Variants in TARS3 observed in about 807,000 individuals in gnomAD.
TARS3 encodes the protein threonine--tRNA ligase 2, cytoplasmic.
Under a neutral mutation model 103.5 loss-of-function variants are expected in TARS3, and 94 were observed. That is an observed-to-expected ratio of 0.91 (90% CI 0.77 to 1.08). TARS3 has a LOEUF of 1.08. TARS3 is among the 50% of genes least tolerant of loss of function. The pLI, the probability that TARS3 is intolerant of heterozygous loss-of-function variation, is 0.00. For synonymous variants in TARS3, 416 were observed against 355.4 expected (o/e 1.17, Z -1.92); for missense variants, 952 against 995.2 (o/e 0.96, Z 0.58).
intron 2 of TARS3, among the ~76,000 whole-genome samples, chr15:101,721,557 C>T (rs1032862508): frequency 3.9e-5 from 6 of 152,092 alleles, no homozygotes; most frequent in South Asian, 2.1e-4. Context: ...TGCAGGGGCA[C>T]GAAATCAGCT....
At chr15:101,682,564 G>T (rs1261712766) in intron 12 of TARS3, among the ~76,000 whole-genome samples, 1 of 151,856 alleles carries the variant, frequency 6.6e-6, no homozygotes, top group East Asian at 1.9e-4. Flanking sequence ...TAAATTTTTT[G>T]ATTTTATGTT....
intron 10 of TARS3, among the ~76,000 whole-genome samples, chr15:101,696,384 A>G (rs563186923): frequency 5.9e-5 from 9 of 152,222 alleles, no homozygotes; most frequent in African/African-American, 2.2e-4. Flanking sequence ...TATGATGGGA[A>G]GGGGACATTC....
rs868362410 is a variant in TARS3, at chr15:101,690,257, G to A, written c.1321-4195C>T. 4.4e-4 allele frequency among the ~76,000 whole-genome samples: 67 copies of A among 152,272 alleles called. 2 individuals are homozygous for A. The highest frequency in any genetic ancestry group is 1.6e-3 in the African/African-American group (66 of 41,552). Reference sequence around the variant, plus strand: ...GCCCTGCACTGTGTTCCCCAAAGCTGACTTCTGTGGGCTCCGCACAAGGCT... The same window carrying A: ...GCCCTGCACTGTGTTCCCCAAAGCTAACTTCTGTGGGCTCCGCACAAGGCT... On this transcript the variant is annotated intron_variant, in intron 10 of 18. Transcript: ENST00000335968.
At chr15:101,673,475 T>C (rs1897896374) in intron 13 of TARS3, among the ~76,000 whole-genome samples, 1 of 152,198 alleles carries the variant, frequency 6.6e-6, no homozygotes, top group South Asian at 2.1e-4. Context: ...GAAGTGGGTG[T>C]CATTGCTACA....
chr15:101,660,192 G>C (rs1897324509), intron 16 of TARS3, among the ~76,000 whole-genome samples: 1 of 152,218 alleles, frequency 6.6e-6, no homozygotes, highest in African/African-American at 2.4e-5. Flanking sequence ...CCCGGCAATA[G>C]TAGCAGTGGG....
chr15:101,719,253 GTGTACTGTA>G (rs1259719534), intron 3 of TARS3, among the ~76,000 whole-genome samples: 1 of 152,172 alleles, frequency 6.6e-6, no homozygotes, highest in Admixed American at 6.5e-5. Flanking sequence ...ATTGTCTTCT[GTGTACTGTA>G]TGCACGTGTG....
intron 15 of TARS3, among the ~76,000 whole-genome samples, chr15:101,663,749 T>C (rs1230550928): frequency 6.6e-6 from 1 of 152,220 alleles, no homozygotes; most frequent in African/African-American, 2.4e-5. Flanking sequence ...CATCTACTAA[T>C]AATAATTTTA....
At chr15:101,679,131 T>C (rs368532119) in intron 12 of TARS3, among the ~76,000 whole-genome samples, 2 of 152,214 alleles carry the variant, frequency 1.3e-5, no homozygotes, top group East Asian at 1.9e-4. Flanking sequence ...GTAGGTTTCT[T>C]GGAGTTTATC....
At chr15:101,690,447 C>T (rs955328574) in intron 10 of TARS3, among the ~76,000 whole-genome samples, 24 of 152,138 alleles carry the variant, frequency 1.6e-4, no homozygotes, top group African/African-American at 5.3e-4. Context: ...TGAGATAATG[C>T]TAATGGCCTG....
rs1022914053 is a variant in TARS3 at position 101,724,236 on chromosome 15, G to T, written c.152C>A (p.Thr51Lys). 3.2e-6 allele frequency: 5 copies of T among 1,551,622 alleles called. No homozygotes were observed. The highest frequency in any genetic ancestry group is 1.7e-6 in the Non-Finnish European group (2 of 1,156,040). ...YSCQAEGPCLTREVAQLRAEN... is the reference protein window; with the variant it reads ...YSCQAEGPCLKREVAQLRAEN... ...GGCCCGGAGCTGCGCCACCTCCCGC[G>T]TGAGGCACGGCCCCTCCGCCTGGCA... The change falls in exon 1 of 19, where the codon ACG becomes AAG. Residue 51 changes from threonine to lysine, a missense_variant. Physicochemically the swap from Thr to Lys is moderately conservative, Grantham distance 78. Transcript: ENST00000335968.
At chr15:101,681,178 C>T (rs1898241225) in intron 12 of TARS3, among the ~76,000 whole-genome samples, 2 of 152,140 alleles carry the variant, frequency 1.3e-5, no homozygotes, top group African/African-American at 4.8e-5. Context: ...ACTGTAGTTT[C>T]TCATAATTCT....
At chr15:101,683,860 T>C (rs1410778646) in intron 12 of TARS3, among the ~76,000 whole-genome samples, 1 of 152,220 alleles carries the variant, frequency 6.6e-6, no homozygotes, top group Non-Finnish European at 1.5e-5. Context: ...CTTAATGGAA[T>C]TTAGGTTAAT....
At chr15:101,661,645 A>G in intron 16 of TARS3, 67 bp downstream of exon 16, 1 of 999,618 alleles carries the variant, frequency 1.0e-6, no homozygotes, top group South Asian at 1.8e-5. Flanking sequence ...AAAAAGGAAA[A>G]ATGAGTAAAT....
At chr15:101,694,022 A>G (rs1898855285) in intron 10 of TARS3, among the ~76,000 whole-genome samples, 1 of 152,180 alleles carries the variant, frequency 6.6e-6, no homozygotes, top group Non-Finnish European at 1.5e-5. Flanking sequence ...GACAATTAAA[A>G]AAGTTAATTT....
In TARS3 at chr15:101,654,460, A is replaced by G. The variant is rs1057505200; in HGVS notation, c.*122T>C. ...CTACACGTTCATCGTCTCCTTTCTC[A>G]GCTGAGGCCATGAGTGGACCCATCA... On this transcript the variant is annotated 3_prime_UTR_variant, in exon 19 of 19. Coordinates refer to ENST00000335968, the MANE Select transcript of TARS3 (RefSeq NM_152334.3). 1 of 1,012,840 alleles carries G rather than the reference A, an allele frequency of 9.9e-7. No homozygotes were observed. Among genetic ancestry groups the G allele is most frequent in the African/African-American group, 1.6e-5 (1 of 60,772 alleles). 62.7% of individuals were successfully genotyped at this position (1,012,840 alleles called of 1,614,324 possible). A position where few individuals can be genotyped will look rare whatever the true frequency, so the allele number is the denominator to read the frequency against.
chr15:101,717,030 T>C (rs1350689435), intron 3 of TARS3, among the ~76,000 whole-genome samples: 1 of 152,150 alleles, frequency 6.6e-6, no homozygotes, highest in African/African-American at 2.4e-5. Flanking sequence ...CTACTTTTTG[T>C]ATTTGTAGTA....
At position 101,702,266 on chromosome 15, in the gene TARS3, CTTT is replaced by C. The variant is rs1236056137; in HGVS notation, c.1191_1193del (p.Lys398del). On this transcript the variant is annotated inframe_deletion, in exon 9 of 19. Transcript: ENST00000335968. ...TCCCGATCTTCCTGTGATCTCGGTT[CTTT>C]GCTTCCTCTTGGAACTTTTCCCAGT... is the stretch of plus-strand genomic sequence containing the variant. 1 of 1,613,974 alleles carries C rather than the reference CTTT, an allele frequency of 6.2e-7. No individual in the cohort carries two copies. Among genetic ancestry groups the C allele is most frequent in the African/African-American group, 1.3e-5 (1 of 74,916 alleles).
chr15:101,719,836 T>G (rs1246889003), intron 3 of TARS3, among the ~76,000 whole-genome samples: 2 of 152,234 alleles, frequency 1.3e-5, no homozygotes, highest in Non-Finnish European at 2.9e-5. Context: ...CCACTAGGCT[T>G]GACTGGTCAC....
At chr15:101,661,068 G>A (rs1010262912) in intron 16 of TARS3, among the ~76,000 whole-genome samples, 3 of 151,980 alleles carry the variant, frequency 2.0e-5, no homozygotes, top group African/African-American at 7.3e-5. Context: ...CCTTATCTCC[G>A]GCCATTCTTC....
Sources: allele counts gnomAD v4.1 joint callset (sites outside exome capture counted in the v4.1 genomes callset), GRCh38; gene constraint gnomAD v4.1.1; transcripts MANE v1.5; gene names NCBI Gene and HGNC (gene_info 2026-07-23, HGNC 2026-07-21).